The following PPM1L variants were observed in gnomAD, a reference collection of about 807,000 sequenced individuals.
The protein encoded by PPM1L is protein phosphatase 1L.
Under a neutral mutation model 31.4 loss-of-function variants are expected in PPM1L, and 13 were observed. That is an observed-to-expected ratio of 0.41 (90% CI 0.27 to 0.66). The LOEUF is 0.66. PPM1L is among the 30% of genes least tolerant of loss of function. The pLI is 0.29. For missense variants in PPM1L, 326 were observed against 453.7 expected, an observed-to-expected ratio of 0.72 and a Z score of 2.56; for synonymous variants, 184 against 175.4, an observed-to-expected ratio of 1.05 and a Z score of -0.39.
chr3:160,868,713 T>C (rs1187995167), intron 1 of PPM1L, among the ~76,000 whole-genome samples: 2 of 152,156 alleles, frequency 1.3e-5, no homozygotes, highest in Non-Finnish European at 2.9e-5. Context: ...TGAGGCTTTT[T>C]TTTTTTTCAG....
At chr3:160,991,826 A>G (rs1438470844) in intron 2 of PPM1L, among the ~76,000 whole-genome samples, 1 of 152,210 alleles carries the variant, frequency 6.6e-6, no homozygotes, top group African/African-American at 2.4e-5. Flanking sequence ...TTCTGTATAC[A>G]TATGATACAT....
chr3:160,853,699 A>G (rs1202849675), intron 1 of PPM1L, among the ~76,000 whole-genome samples: 4 of 152,212 alleles, frequency 2.6e-5, no homozygotes, highest in Non-Finnish European at 5.9e-5. Context: ...AAAATCATGA[A>G]AATAATTTAT....
chr3:161,052,867 T>C (rs1475397513), intron 2 of PPM1L, among the ~76,000 whole-genome samples: 1 of 152,230 alleles, frequency 6.6e-6, no homozygotes, highest in Non-Finnish European at 1.5e-5. Context: ...CCTCTCATTT[T>C]CAGCCTTCTT....
intron 1 of PPM1L, among the ~76,000 whole-genome samples, chr3:160,773,215 A>C (rs1382923865): frequency 6.6e-6 from 1 of 152,156 alleles, no homozygotes; most frequent in Non-Finnish European, 1.5e-5. Flanking sequence ...CAGTATCTCA[A>C]TGTAGTTTTA....
At chr3:160,850,824 T>C (rs1304159824) in intron 1 of PPM1L, among the ~76,000 whole-genome samples, 2 of 150,338 alleles carry the variant, frequency 1.3e-5, no homozygotes, top group East Asian at 4.1e-4. Context: ...TACCATTGAT[T>C]CCATAGAGGG....
In PPM1L at chr3:161,065,541, A is replaced by G; in HGVS notation, c.713A>G (p.Glu238Gly). Residue 238 changes from glutamate (E) to glycine (G), a missense_variant, in exon 3 of 4, where the codon GAA (glutamate) becomes GGA (glycine). By Grantham distance (98) the Glu-to-Gly change is moderately conservative. Coordinates refer to ENST00000498165, the MANE Select transcript of PPM1L (RefSeq NM_139245.4). ...GATCACAAGCCTTACCAGTTGAAGG[A>G]AAGAAAGAGGATAAAGAGAGCAGGT... ...SHDHKPYQLK[E>G]RKRIKRAGGF... 1 of 1,614,004 alleles carries G rather than the reference A, an allele frequency of 6.2e-7. No homozygotes were observed.
At chr3:161,042,091 C>G (rs75900548) in intron 2 of PPM1L, among the ~76,000 whole-genome samples, 2 of 152,202 alleles carry the variant, frequency 1.3e-5, no homozygotes, top group Non-Finnish European at 2.9e-5. Context: ...GCTAACTCCC[C>G]ATTCATCAGT....
At chr3:160,893,681 A>G (rs1288839535) in intron 1 of PPM1L, among the ~76,000 whole-genome samples, 1 of 152,190 alleles carries the variant, frequency 6.6e-6, no homozygotes, top group Non-Finnish European at 1.5e-5. Context: ...AGTTTAAAAC[A>G]AAAAATTATG....
intron 2 of PPM1L, among the ~76,000 whole-genome samples, chr3:161,058,575 T>A (rs558946965): frequency 6.6e-6 from 1 of 152,150 alleles, no homozygotes; most frequent in South Asian, 2.1e-4. Context: ...GTGCTTTGTA[T>A]ACTATACAAA....
At chr3:160,780,452 C>T (rs998101734) in intron 1 of PPM1L, among the ~76,000 whole-genome samples, 12 of 152,256 alleles carry the variant, frequency 7.9e-5, no homozygotes, top group African/African-American at 2.6e-4. Context: ...CCATTGGATC[C>T]TTATTCAGAA....
intron 1 of PPM1L, among the ~76,000 whole-genome samples, chr3:160,918,491 G>A (rs1714269565): frequency 6.6e-6 from 1 of 152,152 alleles, no homozygotes; most frequent in Admixed American, 6.5e-5. Flanking sequence ...AGAGTAAGGT[G>A]TCTTTAAGTT....
intron 2 of PPM1L, among the ~76,000 whole-genome samples, chr3:160,977,588 A>G (rs192564209): frequency 7.9e-5 from 12 of 152,288 alleles, no homozygotes; most frequent in African/African-American, 2.6e-4. Context: ...AGTCTGCCTC[A>G]TTCAAGGAAG....
intron 1 of PPM1L, among the ~76,000 whole-genome samples, chr3:160,850,521 T>G (rs947065700): frequency 6.6e-5 from 10 of 152,154 alleles, no homozygotes; most frequent in African/African-American, 2.4e-4. Context: ...CCCTGGACTT[T>G]GGGGGTTGAG....
rs1482095270 is a variant in PPM1L, at chr3:160,944,813, T to TATATGTTATATATAACATATATAACAC, written c.400-16919_400-16918insGTTATATATAACATATATAACACATAT. Among the ~76,000 whole-genome samples the TATATGTTATATATAACATATATAACAC allele has an allele frequency of 1.3e-4, 2 of 15,578 alleles. 1 individual carries two copies. The highest frequency in any genetic ancestry group is 3.6e-4 in the African/African-American group (2 of 5,500). The allele number at this position is 15,578 out of a possible 152,430, so 10.2% of individuals were successfully genotyped here. A position where few individuals can be genotyped will look rare whatever the true frequency, so the allele number is the denominator to read the frequency against. On this transcript the variant is annotated intron_variant, in intron 1 of 3. Coordinates refer to ENST00000498165, the MANE Select transcript of PPM1L (RefSeq NM_139245.4). ...TATGTTATATATAACATATATAACATATATATGTTATATATAACATATATA... is the reference window on the plus strand; with the variant it reads ...TATGTTATATATAACATATATAACATATATGTTATATATAACATATATAACACATATATGTTATATATAACATATATA...
At chr3:161,020,765 G>A (rs1490727540) in intron 2 of PPM1L, among the ~76,000 whole-genome samples, 2 of 151,944 alleles carry the variant, frequency 1.3e-5, no homozygotes, top group Non-Finnish European at 1.5e-5. Flanking sequence ...TTCTTCTTGA[G>A]TCAATTTTAT....
intron 1 of PPM1L, among the ~76,000 whole-genome samples, chr3:160,929,981 G>A (rs149550804): frequency 1.3e-5 from 2 of 152,108 alleles, no homozygotes; most frequent in African/African-American, 2.4e-5. Context: ...CCCTTTTGAG[G>A]CCCCTCTCTC....
intron 2 of PPM1L, among the ~76,000 whole-genome samples, chr3:161,053,932 A>G (rs1719344424): frequency 6.6e-6 from 1 of 152,108 alleles, no homozygotes; most frequent in Non-Finnish European, 1.5e-5. Flanking sequence ...AATATCAGAG[A>G]GGAAAAGAAA....
At chr3:161,062,149 A>T (rs1358142434) in intron 2 of PPM1L, among the ~76,000 whole-genome samples, 32 of 152,022 alleles carry the variant, frequency 2.1e-4, no homozygotes, top group Admixed American at 2.0e-3. Flanking sequence ...GGGGGGGAAA[A>T]AAAAAAGCCT....
chr3:160,805,588 G>A (rs1436566420), intron 1 of PPM1L, among the ~76,000 whole-genome samples: 1 of 152,130 alleles, frequency 6.6e-6, no homozygotes. Flanking sequence ...CAGGTGTGGT[G>A]GCAGGTGCCT....
Sources: gnomAD v4.1 joint callset for allele counts (sites outside exome capture counted in the v4.1 genomes callset) on GRCh38, gnomAD v4.1.1 for gene constraint, MANE v1.5 for transcripts, NCBI Gene and HGNC (gene_info 2026-07-23, HGNC 2026-07-21) for gene names.